Variants in PPIL6 observed in about 807,000 individuals in gnomAD.
PPIL6 encodes peptidylprolyl isomerase like 6, also known as probable inactive peptidyl-prolyl cis-trans isomerase-like 6.
Under a neutral mutation model 36.8 loss-of-function variants are expected in PPIL6, and 39 were observed. The observed-to-expected ratio is 1.06, with a 90% CI of 0.82 to 1.38. PPIL6 has a LOEUF of 1.38. Ranked by LOEUF, PPIL6 falls within the 40% of genes most tolerant of loss-of-function variation. The probability of loss-of-function intolerance (pLI) is 0.00; values close to 1 mark genes in which losing one functional copy is unlikely to be tolerated. For missense variants in PPIL6, 368 were observed against 379.1 expected (o/e 0.97, Z 0.24); for synonymous variants, 123 against 134.1 (o/e 0.92, Z 0.57).
In PPIL6 at chr6:109,419,177, A is replaced by G. The variant is rs1184461358; in HGVS notation, c.688+10T>C. On this transcript the variant is annotated intron_variant, in intron 6 of 7. Coordinates refer to ENST00000521072, the MANE Select transcript of PPIL6 (RefSeq NM_173672.5). ...CTAATATATAACTAACAAAATGTAA[A>G]GATACATACCTTCAAATGTTGGACC... The G allele has an allele frequency of 2.0e-6, 3 of 1,503,748 alleles. No homozygotes were observed. In the South Asian group the frequency reaches 3.4e-5, roughly 17 times the overall value. The allele number at this position is 1,503,748 out of a possible 1,614,324, so 93.2% of individuals were successfully genotyped here.
Position 109,392,148 on chromosome 6 carries a change from C to T in PPIL6, c.*678G>A, listed in dbSNP as rs1315414093. On this transcript the variant is annotated 3_prime_UTR_variant, in exon 8 of 8. Transcript: ENST00000521072. ...GGTATTGGTCCCGCAGCTCAAGAGA[C>T]TGGGGCTGACATCTCTGCAGTACTT... 6.6e-6 allele frequency: 1 copy of T among 152,106 alleles called. No individual in the cohort carries two copies. Among genetic ancestry groups the T allele is most frequent in the Admixed American group, 6.6e-5 (1 of 15,266 alleles). 9.4% of individuals were successfully genotyped at this position (152,106 alleles called of 1,614,324 possible).
At chr6:109,417,928 T>G (rs1293139982) in intron 6 of PPIL6, among the ~76,000 whole-genome samples, 1 of 152,212 alleles carries the variant, frequency 6.6e-6, no homozygotes, top group African/African-American at 2.4e-5. Flanking sequence ...GCACATCGTT[T>G]CCTATGGCAC....
chr6:109,430,758 A>G (rs1480362555), intron 3 of PPIL6, among the ~76,000 whole-genome samples: 2 of 152,162 alleles, frequency 1.3e-5, no homozygotes, highest in Non-Finnish European at 2.9e-5. Flanking sequence ...CCTTTCTTCA[A>G]ACAACTTTCC....
intron 1 of PPIL6, 75 bp from the exon 2 acceptor site, chr6:109,436,274 CGG>C: frequency 1.1e-6 from 1 of 895,552 alleles, no homozygotes. Flanking sequence ...CCAATTTTTA[CGG>C]GGTTTCCAGA....
At chr6:109,427,059 A>AC in intron 4 of PPIL6, 35 bp downstream of exon 4, 2 of 1,593,630 alleles carry the variant, frequency 1.3e-6, no homozygotes, top group East Asian at 4.5e-5. Flanking sequence ...TATAGATCCT[A>AC]CCCCCACAAA....
chr6:109,419,062 T>A (rs1285044652), intron 6 of PPIL6, 125 bp downstream of exon 6: 1 of 664,346 alleles, frequency 1.5e-6, no homozygotes, highest in Non-Finnish European at 2.7e-6. Flanking sequence ...TGCTCATTTT[T>A]ACCTCTTGCT....
At position 109,431,358 on chromosome 6, in the gene PPIL6, AG is replaced by A. The variant is rs753606738; in HGVS notation, c.232-14del. The A allele has an allele frequency of 1.7e-5, 23 of 1,372,982 alleles. No individual in the cohort carries two copies. Among genetic ancestry groups the A allele is most frequent in the East Asian group, 9.7e-5 (4 of 41,408 alleles). The allele number at this position is 1,372,982 out of a possible 1,614,324, so 85.0% of individuals were successfully genotyped here. ...CATTTTTGAGTTCCTGTAAGGGAAAAGGACAAAAAAAAAAAAAAACGTAAGA... is the reference window on the plus strand; with the variant it reads ...CATTTTTGAGTTCCTGTAAGGGAAAAGACAAAAAAAAAAAAAAACGTAAGA... On this transcript the variant is annotated splice_polypyrimidine_tract_variant and intron_variant, in intron 2 of 7. Coordinates refer to ENST00000521072, the MANE Select transcript of PPIL6 (RefSeq NM_173672.5).
rs550202578 is a variant in PPIL6 at position 109,391,566 on chromosome 6, C to A, written c.*1260G>T. On this transcript the variant is annotated 3_prime_UTR_variant, in exon 8 of 8. Coordinates refer to ENST00000521072, the MANE Select transcript of PPIL6 (RefSeq NM_173672.5). ...ACGCCTGGGAACCCTGGGGAAAGAA[C>A]CAAATGAACACAGAATCTCTGCCCC... is the stretch of plus-strand genomic sequence containing the variant. 6.6e-6 allele frequency: 1 copy of A among 152,150 alleles called. No individual in the cohort carries two copies. The highest frequency in any genetic ancestry group is 1.5e-5 in the Non-Finnish European group (1 of 68,060). 9.4% of individuals were successfully genotyped at this position (152,150 alleles called of 1,614,324 possible).
intron 6 of PPIL6, among the ~76,000 whole-genome samples, chr6:109,417,540 T>C (rs1343411593): frequency 6.6e-6 from 1 of 152,234 alleles, no homozygotes; most frequent in East Asian, 1.9e-4. Context: ...CTTTATTCTC[T>C]TTATTCTTAT....
At chr6:109,425,737 G>C (rs1396316206) in intron 5 of PPIL6, among the ~76,000 whole-genome samples, 1 of 136,486 alleles carries the variant, frequency 7.3e-6, no homozygotes, top group Non-Finnish European at 1.5e-5. Context: ...GCGACAGAGC[G>C]AGACTCCGTT....
At position 109,440,293 on chromosome 6, in the gene PPIL6, G is replaced by T. The variant is rs1238065910; in HGVS notation, c.135+163C>A. On this transcript the variant is annotated intron_variant, in intron 1 of 7. Transcript: ENST00000521072. ...ACTTGCCCCCCTATACTCTCCTCCC[G>T]GTCCTCCAGACGGAGCCCGCCCGGC... 8 of 878,532 alleles carry T rather than the reference G, an allele frequency of 9.1e-6. No homozygotes were observed. In the Admixed American group the frequency reaches 1.2e-4, roughly 14 times the overall value. 54.4% of individuals were successfully genotyped at this position (878,532 alleles called of 1,614,324 possible).
At chr6:109,403,934 G>A (rs1012968789) in intron 6 of PPIL6, among the ~76,000 whole-genome samples, 1 of 152,150 alleles carries the variant, frequency 6.6e-6, no homozygotes, top group African/African-American at 2.4e-5. Context: ...GGATGAGGGA[G>A]AAAGACCCAT....
At chr6:109,408,296 A>G (rs1194657109) in intron 6 of PPIL6, among the ~76,000 whole-genome samples, 1 of 152,100 alleles carries the variant, frequency 6.6e-6, no homozygotes, top group Non-Finnish European at 1.5e-5. Context: ...CTTATAAATC[A>G]CTTGCTCTTT....
rs1772106014 is a variant in PPIL6, at chr6:109,391,741, C to CT, written c.*1084_*1085insA. The CT allele has an allele frequency of 1.3e-5, 2 of 152,148 alleles. No individual in the cohort carries two copies. Among genetic ancestry groups the CT allele is most frequent in the African/African-American group, 4.8e-5 (2 of 41,422 alleles). 9.4% of individuals were successfully genotyped at this position (152,148 alleles called of 1,614,324 possible). On this transcript the variant is annotated 3_prime_UTR_variant, in exon 8 of 8. Transcript: ENST00000521072. ...ATAACATCACATGAGTCAGCCACCA[C>CT]GGACACTGTAAAACAAGCCCTTGGT...
chr6:109,397,851 T>G (rs989840389), intron 7 of PPIL6, among the ~76,000 whole-genome samples: 3 of 151,288 alleles, frequency 2.0e-5, no homozygotes, highest in Non-Finnish European at 2.9e-5. Flanking sequence ...CAAGAAATGT[T>G]ATTTGGATTT....
chr6:109,400,899 G>A (rs965339707), intron 6 of PPIL6, among the ~76,000 whole-genome samples: 5 of 151,750 alleles, frequency 3.3e-5, no homozygotes, highest in Non-Finnish European at 5.9e-5. Flanking sequence ...TCGCTCTGTC[G>A]CCCAGGCTGG....
chr6:109,434,768 G>T (rs1240755390), intron 2 of PPIL6, among the ~76,000 whole-genome samples: 1 of 152,044 alleles, frequency 6.6e-6, no homozygotes, highest in East Asian at 1.9e-4. Context: ...ACTAGGACTG[G>T]GACCATCTAC....
At position 109,410,982 on chromosome 6, in the gene PPIL6, G is replaced by A. The variant is rs536540270; in HGVS notation, c.688+8205C>T. Among the ~76,000 whole-genome samples the A allele has an allele frequency of 6.6e-5, 10 of 152,264 alleles. No individual in the cohort carries two copies. The South Asian group carries it at 1.9e-3, about 28-fold the overall frequency. On this transcript the variant is annotated intron_variant, in intron 6 of 7. Coordinates refer to ENST00000521072, the MANE Select transcript of PPIL6 (RefSeq NM_173672.5). ...ACATCCCAATAGGGCTTCTGTTTGT[G>A]CCCCAACCGGCTCATTTTTGTTTGT...
At chr6:109,430,574 A>C (rs1774083941) in intron 3 of PPIL6, among the ~76,000 whole-genome samples, 1 of 152,054 alleles carries the variant, frequency 6.6e-6, no homozygotes, top group Non-Finnish European at 1.5e-5. Flanking sequence ...TTACAGGTAC[A>C]CGCCACCACG....
Sources: gnomAD v4.1 joint callset for allele counts (sites outside exome capture counted in the v4.1 genomes callset) on GRCh38, gnomAD v4.1.1 for gene constraint, MANE v1.5 for transcripts, NCBI Gene and HGNC (gene_info 2026-07-23, HGNC 2026-07-21) for gene names.